The following RFC2 variants were observed in gnomAD, a reference collection of about 807,000 sequenced individuals.
The protein encoded by RFC2 is replication factor C subunit 2, also known as A1 40 kDa subunit.
RFC2 carries 34 observed loss-of-function variants against 44.8 expected under a neutral mutation model. The ratio of observed to expected loss-of-function variants is 0.76; its 90% CI spans 0.58 to 1.01. RFC2 has a LOEUF of 1.01. Ranked by LOEUF, RFC2 falls within the 50% of genes least tolerant of loss-of-function variation. The pLI is 0.00. For missense variants in RFC2, 400 were observed against 453.6 expected, an observed-to-expected ratio of 0.88 and a Z score of 1.07; for synonymous variants, 177 against 168.9, an observed-to-expected ratio of 1.05 and a Z score of -0.37.
At chr7:74,239,696 CTTGAA>C (rs1803218576) in intron 7 of RFC2, among the ~76,000 whole-genome samples, 1 of 152,116 alleles carries the variant, frequency 6.6e-6, no homozygotes, top group Non-Finnish European at 1.5e-5. Context: ...CCAGGCTGGT[CTTGAA>C]CTCCTGACCT....
Position 74,233,786 on chromosome 7 carries a change from G to T in RFC2, c.955-1570C>A, listed in dbSNP as rs1260467639. The T allele has an allele frequency of 3.5e-5, 16 of 456,074 alleles. No homozygotes were observed. In the East Asian group the frequency reaches 1.1e-3, roughly 32 times the overall value. The allele number at this position is 456,074 out of a possible 1,614,324, so 28.3% of individuals were successfully genotyped here. On this transcript the variant is annotated intron_variant, in intron 10 of 10. Coordinates refer to ENST00000055077, the MANE Select transcript of RFC2 (RefSeq NM_181471.3). ...CGGTCATTACACACCTATTAGAATG[G>T]CTTAAAAACCAAACTGAGCACTCCA...
In RFC2 at chr7:74,238,357, A is replaced by G. The variant is rs1021936950; in HGVS notation, c.759+566T>C. 2.6e-5 allele frequency among the ~76,000 whole-genome samples: 4 copies of G among 152,168 alleles called. No individual in the cohort carries two copies. The highest frequency in any genetic ancestry group is 6.5e-5 in the Admixed American group (1 of 15,274). ...CGCGGAGTTATCAGGATGCGGAAGCAGTTTTCAAAAGAATTCCCAAGAGAA... is the reference window on the plus strand; with the variant it reads ...CGCGGAGTTATCAGGATGCGGAAGCGGTTTTCAAAAGAATTCCCAAGAGAA... On this transcript the variant is annotated intron_variant, in intron 8 of 10. Coordinates refer to ENST00000055077, the MANE Select transcript of RFC2 (RefSeq NM_181471.3). This position sits in a 1 kb window ranked among gnomAD's most constrained non-coding sequence, Gnocchi z 4.0.
chr7:74,244,096 C>CAAAAAAA (rs1179272254), intron 5 of RFC2, among the ~76,000 whole-genome samples: 1 of 41,634 alleles, frequency 2.4e-5, no homozygotes, highest in African/African-American at 7.6e-5. Flanking sequence ...ACTAAAAATA[C>CAAAAAAA]AAAAAAAAAA....
chr7:74,241,719 C>T (rs782666274), intron 6 of RFC2, among the ~76,000 whole-genome samples: 7 of 152,096 alleles, frequency 4.6e-5, no homozygotes, highest in South Asian at 2.1e-4. Flanking sequence ...CAGCACTTTG[C>T]GAGGCCGAGG....
At chr7:74,249,925 A>G (rs1786816622) in intron 2 of RFC2, 145 bp from the exon 3 acceptor site, 2 of 720,952 alleles carry the variant, frequency 2.8e-6, no homozygotes, top group Non-Finnish European at 5.1e-6. Context: ...TTGGGAGGCC[A>G]AGGCAGGACA....
At chr7:74,240,191 C>T (rs1803250458) in intron 6 of RFC2, 96 bp from the exon 7 acceptor site, 2 of 1,108,704 alleles carry the variant, frequency 1.8e-6, no homozygotes, top group Non-Finnish European at 2.6e-6. Context: ...ACAATCCACA[C>T]AGCCCCAGGC....
intron 4 of RFC2, 82 bp from the exon 5 acceptor site, chr7:74,246,845 T>A: frequency 1.2e-6 from 1 of 814,150 alleles, no homozygotes; most frequent in Non-Finnish European, 2.0e-6. Flanking sequence ...AATCGGTATA[T>A]CAGGGACTGT....
At chr7:74,234,305 G>C (rs550923233) in intron 10 of RFC2, among the ~76,000 whole-genome samples, 1 of 152,264 alleles carries the variant, frequency 6.6e-6, no homozygotes, top group Non-Finnish European at 1.5e-5. Flanking sequence ...AGTGGTAGTC[G>C]GGGAGGGGGC....
intron 5 of RFC2, among the ~76,000 whole-genome samples, chr7:74,244,494 A>G (rs1393728303): frequency 6.6e-6 from 1 of 151,346 alleles, no homozygotes; most frequent in African/African-American, 2.4e-5. Context: ...CTGGGATTAC[A>G]AGCACCATTG....
At chr7:74,237,301 C>G in intron 9 of RFC2, 61 bp downstream of exon 9, 1 of 1,184,654 alleles carries the variant, frequency 8.4e-7, no homozygotes, top group Non-Finnish European at 1.2e-6. Context: ...GAAGGGCTCC[C>G]GCTCTCCTCT....
intron 5 of RFC2, among the ~76,000 whole-genome samples, chr7:74,246,202 AAAAT>A (rs1803595159): frequency 1.3e-5 from 2 of 148,922 alleles, no homozygotes; most frequent in East Asian, 1.9e-4. Context: ...TCTCAAAAAA[AAAAT>A]AAATAAATAA....
chr7:74,237,745 C>G (rs1475654126), intron 8 of RFC2, among the ~76,000 whole-genome samples: 1 of 152,158 alleles, frequency 6.6e-6, no homozygotes, highest in Non-Finnish European at 1.5e-5. Context: ...TGTCTTAGAT[C>G]ACTTGGGGGG....
intron 4 of RFC2, among the ~76,000 whole-genome samples, chr7:74,248,099 T>C (rs1007276141): frequency 9.2e-5 from 14 of 151,794 alleles, no homozygotes; most frequent in Non-Finnish European, 1.8e-4. Flanking sequence ...CTGGCCGGCC[T>C]TCCATACACT....
At chr7:74,251,347 A>C (rs1554720996) in intron 2 of RFC2, among the ~76,000 whole-genome samples, 1 of 151,930 alleles carries the variant, frequency 6.6e-6, no homozygotes, top group East Asian at 1.9e-4. Flanking sequence ...GTGCCACCAC[A>C]CCCAGCTCAT....
intron 6 of RFC2, among the ~76,000 whole-genome samples, chr7:74,241,589 G>T (rs1248389347): frequency 6.6e-6 from 1 of 152,292 alleles, no homozygotes; most frequent in South Asian, 2.1e-4. Context: ...GCAGAAGTGA[G>T]GCAAAGAAAG....
chr7:74,241,199 G>A (rs1406737451), intron 6 of RFC2, among the ~76,000 whole-genome samples: 3 of 152,200 alleles, frequency 2.0e-5, no homozygotes, highest in Non-Finnish European at 4.4e-5. Context: ...CCAAAGTGCT[G>A]GGATTACAGG....
At chr7:74,240,363 G>T (rs1803259312) in intron 6 of RFC2, among the ~76,000 whole-genome samples, 1 of 151,996 alleles carries the variant, frequency 6.6e-6, no homozygotes, top group Admixed American at 6.6e-5. Context: ...TTAGCTGGGT[G>T]TGGTGTCGCA....
At chr7:74,237,893 G>A (rs1213785834) in intron 8 of RFC2, among the ~76,000 whole-genome samples, 2 of 152,166 alleles carry the variant, frequency 1.3e-5, no homozygotes, top group Admixed American at 6.5e-5. Flanking sequence ...TAAACAAGGG[G>A]TCAGGCTACT....
intron 10 of RFC2, chr7:74,233,868 C>T (rs1245006838): frequency 8.8e-6 from 4 of 456,506 alleles, no homozygotes; most frequent in Non-Finnish European, 1.8e-5. Context: ...CGTGCTGCAG[C>T]CACTTCGGAA....
Sources: gnomAD v4.1 joint callset for allele counts (sites outside exome capture counted in the v4.1 genomes callset) on GRCh38, gnomAD v4.1.1 for gene constraint, Gnocchi (gnomAD v3.1) non-coding constraint, MANE v1.5 for transcripts, NCBI Gene and HGNC (gene_info 2026-07-23, HGNC 2026-07-21) for gene names.